The following GPATCH2 variants were observed in gnomAD, a reference collection of about 807,000 sequenced individuals.
GPATCH2 encodes the protein G patch domain-containing protein 2.
GPATCH2 carries 51 observed loss-of-function variants against 58.0 expected under a neutral mutation model. That is an observed-to-expected ratio of 0.88 (90% CI 0.70 to 1.11). The LOEUF is 1.11. Among genes scored for constraint, GPATCH2 ranks in the 50% most tolerant of loss-of-function variants. The pLI, the probability that GPATCH2 is intolerant of heterozygous loss-of-function variation, is 0.00. For missense variants in GPATCH2, 625 were observed against 652.2 expected (o/e 0.96, Z 0.45); for synonymous variants, 222 against 218.5 (o/e 1.02, Z -0.14).
chr1:217,446,225 T>C (rs1294355194), intron 9 of GPATCH2, among the ~76,000 whole-genome samples: 1 of 152,082 alleles, frequency 6.6e-6, no homozygotes, highest in Non-Finnish European at 1.5e-5. Flanking sequence ...CAAAAGAAAC[T>C]ACGAAAATAT....
intron 6 of GPATCH2, among the ~76,000 whole-genome samples, chr1:217,510,303 T>A (rs1662781842): frequency 1.3e-5 from 2 of 152,056 alleles, no homozygotes; most frequent in African/African-American, 4.8e-5. Flanking sequence ...AAAACCATTA[T>A]GCTACTCTTT....
chr1:217,625,000 G>T (rs563018296), intron 1 of GPATCH2, among the ~76,000 whole-genome samples: 2 of 152,206 alleles, frequency 1.3e-5, no homozygotes, highest in African/African-American at 4.8e-5. Context: ...GAAAGGAAAT[G>T]ATTTGGGCAG....
rs1308666138 is a variant in GPATCH2, at chr1:217,619,802, C to G, written c.754G>C (p.Asp252His). The G allele has an allele frequency of 6.3e-7, 1 of 1,581,020 alleles. No homozygotes were observed. The highest frequency in any genetic ancestry group is 1.8e-5 in the Admixed American group (1 of 56,746). Residue 252 changes from aspartate (D) to histidine (H), a missense_variant, in exon 2 of 10, where the codon GAT becomes CAT. By Grantham distance (81) the Asp-to-His change is moderately conservative. Transcript: ENST00000366935. Reference sequence around the variant, plus strand: ...AGTCACCTTTCACTCATGAGCTCATCTGAGACTTTTTGCTCTTCACATTCC... The same window carrying G: ...AGTCACCTTTCACTCATGAGCTCATGTGAGACTTTTTGCTCTTCACATTCC... ...KMECEEQKVS[D>H]ELMSESDSSS...
At chr1:217,618,369 G>T (rs1024341099) in intron 2 of GPATCH2, among the ~76,000 whole-genome samples, 1 of 151,450 alleles carries the variant, frequency 6.6e-6, no homozygotes, top group African/African-American at 2.4e-5. Flanking sequence ...CACCACACTC[G>T]GCTAATTTTT....
At chr1:217,603,786 C>G (rs1007021508) in intron 5 of GPATCH2, among the ~76,000 whole-genome samples, 9 of 151,814 alleles carry the variant, frequency 5.9e-5, no homozygotes, top group Non-Finnish European at 1.2e-4. Flanking sequence ...CCATGCCCTG[C>G]TAATTTTTGT....
chr1:217,545,702 A>C (rs1024663117), intron 5 of GPATCH2, among the ~76,000 whole-genome samples: 5 of 152,216 alleles, frequency 3.3e-5, no homozygotes, highest in Admixed American at 6.5e-5. Flanking sequence ...GGTCAAAAGA[A>C]CAAGCCAGGG....
chr1:217,467,795 G>A (rs544143173), intron 8 of GPATCH2, among the ~76,000 whole-genome samples: 72 of 152,110 alleles, frequency 4.7e-4, no homozygotes, highest in African/African-American at 1.6e-3. Context: ...TCCTATTATA[G>A]TAAAGGAATC....
chr1:217,611,074 G>A lies in GPATCH2; in HGVS notation c.836-3C>T, dbSNP rs1043737263. On this transcript the variant is annotated splice_polypyrimidine_tract_variant and splice_region_variant and intron_variant, in intron 3 of 9. Transcript: ENST00000366935. ...CCAGTCACTCTGTTCATCATCACCT[G>A]TGCAAATACAAGAAACCCCCCCCCA... 2 of 1,604,548 alleles carry A rather than the reference G, an allele frequency of 1.2e-6. No homozygotes were observed. Among genetic ancestry groups the A allele is most frequent in the Non-Finnish European group, 8.5e-7 (1 of 1,175,336 alleles).
chr1:217,465,450 G>C (rs1490484128), intron 8 of GPATCH2, among the ~76,000 whole-genome samples: 2 of 152,146 alleles, frequency 1.3e-5, no homozygotes, highest in Non-Finnish European at 2.9e-5. Flanking sequence ...GTCTGCCTGT[G>C]TCCTCACTCA....
At chr1:217,505,933 C>A (rs1233679345) in intron 6 of GPATCH2, among the ~76,000 whole-genome samples, 2 of 152,170 alleles carry the variant, frequency 1.3e-5, no homozygotes, top group African/African-American at 4.8e-5. Context: ...AGTGATTCTC[C>A]TGCCTCAGCC....
intron 9 of GPATCH2, among the ~76,000 whole-genome samples, chr1:217,448,086 G>A (rs1659472167): frequency 6.9e-6 from 1 of 144,564 alleles, no homozygotes; most frequent in African/African-American, 2.6e-5. Context: ...TGACAAGGGT[G>A]AAACTCTGTC....
chr1:217,605,142 C>G (rs182794680), intron 5 of GPATCH2, among the ~76,000 whole-genome samples: 1 of 152,290 alleles, frequency 6.6e-6, no homozygotes, highest in East Asian at 1.9e-4. Context: ...CAGAGTAAAT[C>G]ATTACAGTAT....
intron 9 of GPATCH2, among the ~76,000 whole-genome samples, chr1:217,438,102 AG>A (rs1658933580): frequency 6.6e-6 from 1 of 152,198 alleles, no homozygotes; most frequent in Non-Finnish European, 1.5e-5. Context: ...CAGGGTCTGG[AG>A]TGGACCTCCA....
intron 8 of GPATCH2, among the ~76,000 whole-genome samples, chr1:217,469,432 A>G (rs1007368995): frequency 6.6e-6 from 1 of 152,182 alleles, no homozygotes; most frequent in East Asian, 1.9e-4. Flanking sequence ...TGGTATACAA[A>G]TAAATCACTA....
At chr1:217,458,239 A>G (rs570221971) in intron 8 of GPATCH2, among the ~76,000 whole-genome samples, 1 of 152,254 alleles carries the variant, frequency 6.6e-6, no homozygotes, top group African/African-American at 2.4e-5. Context: ...CAAAAAAAAG[A>G]TGTCTTGCTT....
intron 8 of GPATCH2, among the ~76,000 whole-genome samples, chr1:217,490,455 T>A (rs991844648): frequency 2.6e-5 from 4 of 152,178 alleles, no homozygotes; most frequent in African/African-American, 9.7e-5. Context: ...AAATTTCATG[T>A]TTTTTTCAGC....
chr1:217,484,701 A>G (rs1353539473), intron 8 of GPATCH2, among the ~76,000 whole-genome samples: 2 of 150,420 alleles, frequency 1.3e-5, no homozygotes, highest in Non-Finnish European at 3.0e-5. Context: ...ATATATGTGT[A>G]TATATGTGTG....
intron 6 of GPATCH2, among the ~76,000 whole-genome samples, chr1:217,503,014 G>A (rs1213516144): frequency 1.3e-5 from 2 of 152,220 alleles, no homozygotes; most frequent in East Asian, 1.9e-4. Flanking sequence ...GAAATTGGCT[G>A]AAATCTCTAA....
chr1:217,472,035 A>T (rs1226211718), intron 8 of GPATCH2, among the ~76,000 whole-genome samples: 1 of 152,176 alleles, frequency 6.6e-6, no homozygotes, highest in Non-Finnish European at 1.5e-5. Flanking sequence ...GTGCTTCATA[A>T]CAGTAAAGGA....
Sources: gnomAD v4.1 joint callset for allele counts (sites outside exome capture counted in the v4.1 genomes callset) on GRCh38, gnomAD v4.1.1 for gene constraint, MANE v1.5 for transcripts, NCBI Gene and HGNC (gene_info 2026-07-23, HGNC 2026-07-21) for gene names.